Variants in TCEANC2 observed in about 807,000 individuals in gnomAD.
The protein encoded by TCEANC2 is transcription elongation factor A N-terminal and central domain containing 2.
TCEANC2 carries 20 observed loss-of-function variants against 22.8 expected under a neutral mutation model. That is an observed-to-expected ratio of 0.88 (90% CI 0.62 to 1.28). The LOEUF (loss-of-function observed/expected upper bound fraction) is 1.28. Among genes scored for constraint, TCEANC2 ranks in the 50% most tolerant of loss-of-function variants. The pLI is 0.00. For synonymous variants in TCEANC2, 84 were observed against 95.5 expected, an observed-to-expected ratio of 0.88 and a Z score of 0.70; for missense variants, 251 against 249.7, an observed-to-expected ratio of 1.01 and a Z score of -0.03.
intron 2 of TCEANC2, among the ~76,000 whole-genome samples, chr1:54,061,635 A>G (rs1657858852): frequency 6.6e-6 from 1 of 152,204 alleles, no homozygotes; most frequent in African/African-American, 2.4e-5. Context: ...ATGAAAAACT[A>G]AGGCACAGAG....
rs1384364421 is a variant in TCEANC2, at chr1:54,104,251, C to G, written c.*7778C>G. 1.8e-5 allele frequency: 3 copies of G among 166,518 alleles called. No homozygotes were observed. The highest frequency in any genetic ancestry group is 7.2e-5 in the African/African-American group (3 of 41,896). The allele number at this position is 166,518 out of a possible 1,614,324, so 10.3% of individuals were successfully genotyped here. A position where few individuals can be genotyped will look rare whatever the true frequency, so the allele number is the denominator to read the frequency against. Reference sequence around the variant, plus strand: ...TGACCCACTTGGAGTGCCTCCTGTTCTCATAGTTCTGGGCTCTGCAGGTTT... The same window carrying G: ...TGACCCACTTGGAGTGCCTCCTGTTGTCATAGTTCTGGGCTCTGCAGGTTT... On this transcript the variant is annotated 3_prime_UTR_variant, in exon 5 of 5. Transcript: ENST00000234827.
chr1:54,079,826 A>G (rs892352337), intron 3 of TCEANC2, among the ~76,000 whole-genome samples: 1 of 152,158 alleles, frequency 6.6e-6, no homozygotes, highest in South Asian at 2.1e-4. Context: ...TGTGTCTACC[A>G]TATACCATAC....
intron 2 of TCEANC2, among the ~76,000 whole-genome samples, chr1:54,063,124 G>C (rs1031565828): frequency 6.6e-6 from 1 of 152,142 alleles, no homozygotes; most frequent in Non-Finnish European, 1.5e-5. Flanking sequence ...ATGCTTAGGG[G>C]CTGGGATTTT....
chr1:54,084,257 C>A (rs962692867), intron 3 of TCEANC2, among the ~76,000 whole-genome samples: 2 of 152,154 alleles, frequency 1.3e-5, no homozygotes, highest in Admixed American at 6.5e-5. Context: ...CAGGGTTCCA[C>A]CCACCTCAGC....
At chr1:54,071,764 A>T (rs1658059156) in intron 3 of TCEANC2, among the ~76,000 whole-genome samples, 1 of 152,044 alleles carries the variant, frequency 6.6e-6, no homozygotes, top group African/African-American at 2.4e-5. Flanking sequence ...TACTTCCTGG[A>T]CCTGCAAATT....
rs1182965749 is a variant in TCEANC2, at chr1:54,097,041, G to T, written c.*568G>T. The T allele has an allele frequency of 1.0e-6, 1 of 964,032 alleles. No homozygotes were observed. The highest frequency in any genetic ancestry group is 1.2e-6 in the Non-Finnish European group (1 of 810,268). The allele number at this position is 964,032 out of a possible 1,614,324, so 59.7% of individuals were successfully genotyped here. The stretch of plus-strand genomic sequence containing the variant: ...TTCAGCTCTCCCTGGAAGACCTTCT[G>T]CGTTGGTCTCCAGAGCCCCCATGCT... On this transcript the variant is annotated 3_prime_UTR_variant, in exon 5 of 5. Coordinates refer to ENST00000234827, the MANE Select transcript of TCEANC2 (RefSeq NM_153035.3).
At chr1:54,063,462 A>T (rs1657894002) in intron 2 of TCEANC2, among the ~76,000 whole-genome samples, 1 of 152,200 alleles carries the variant, frequency 6.6e-6, no homozygotes, top group Non-Finnish European at 1.5e-5. Flanking sequence ...CATGTCTGTT[A>T]TATGGAGTGG....
At chr1:54,066,804 A>T (rs1657966526) in intron 2 of TCEANC2, among the ~76,000 whole-genome samples, 1 of 152,238 alleles carries the variant, frequency 6.6e-6, no homozygotes, top group South Asian at 2.1e-4. Flanking sequence ...TAACACTAAT[A>T]TCATTTTATA....
intron 4 of TCEANC2, among the ~76,000 whole-genome samples, chr1:54,093,048 T>C (rs1658477385): frequency 6.6e-6 from 1 of 152,078 alleles, no homozygotes. Flanking sequence ...ATGTGTAGCA[T>C]AGGAGGAGAG....
At chr1:54,092,155 C>T (rs1474247305) in intron 4 of TCEANC2, among the ~76,000 whole-genome samples, 1 of 152,192 alleles carries the variant, frequency 6.6e-6, no homozygotes, top group Admixed American at 6.5e-5. Flanking sequence ...ACAAAGTTTG[C>T]TTCCAGTGGC....
rs1189512026 is a variant in TCEANC2 at position 54,104,732 on chromosome 1, G to T, written c.*8259G>T. On this transcript the variant is annotated 3_prime_UTR_variant, in exon 5 of 5. Transcript: ENST00000234827. ...GATTTTTGTATTTTTAGTAGAGATGGAGTTTCGCCATGTTGGCCAGACTAG... is the reference window on the plus strand; with the variant it reads ...GATTTTTGTATTTTTAGTAGAGATGTAGTTTCGCCATGTTGGCCAGACTAG... The T allele has an allele frequency of 2.2e-6, 1 of 444,566 alleles. No homozygotes were observed. Among genetic ancestry groups the T allele is most frequent in the African/African-American group, 2.0e-5 (1 of 49,846 alleles). 27.5% of individuals were successfully genotyped at this position (444,566 alleles called of 1,614,324 possible). A position where few individuals can be genotyped will look rare whatever the true frequency, so the allele number is the denominator to read the frequency against.
At chr1:54,076,932 G>A (rs1188415458) in intron 3 of TCEANC2, among the ~76,000 whole-genome samples, 3 of 152,186 alleles carry the variant, frequency 2.0e-5, no homozygotes, top group Non-Finnish European at 4.4e-5. Context: ...AGTTAAGGGG[G>A]ATGGGGAACG....
At chr1:54,072,009 G>A (rs546317717) in intron 3 of TCEANC2, among the ~76,000 whole-genome samples, 4 of 152,050 alleles carry the variant, frequency 2.6e-5, no homozygotes, top group Admixed American at 6.6e-5. Context: ...ATAGGGTCTC[G>A]CTAAGTTGCC....
downstream of TCEANC2, among the ~76,000 whole-genome samples, chr1:54,109,522 G>A (rs1432330104): frequency 2.0e-5 from 3 of 152,172 alleles, no homozygotes; most frequent in Non-Finnish European, 2.9e-5. Context: ...GGCTTACTAC[G>A]TAGGTAACTA....
chr1:54,109,041 G>T (rs1019094361), downstream of TCEANC2, among the ~76,000 whole-genome samples: 1 of 152,088 alleles, frequency 6.6e-6, no homozygotes, highest in Non-Finnish European at 1.5e-5. Context: ...GTCCCAGGCC[G>T]CAGAGATGAA....
At chr1:54,057,647 C>T (rs1657778845) in intron 2 of TCEANC2, among the ~76,000 whole-genome samples, 1 of 152,138 alleles carries the variant, frequency 6.6e-6, no homozygotes, top group East Asian at 1.9e-4. Flanking sequence ...CTCCCTTCCA[C>T]TCTTACACCA....
Position 54,096,275 on chromosome 1 carries a change from T to C in TCEANC2, c.439-10T>C, listed in dbSNP as rs747028732. 24 of 1,582,546 alleles carry C rather than the reference T, an allele frequency of 1.5e-5. No homozygotes were observed. Among genetic ancestry groups the C allele is most frequent in the Non-Finnish European group, 2.0e-5 (23 of 1,154,944 alleles). On this transcript the variant is annotated splice_polypyrimidine_tract_variant and intron_variant, in intron 4 of 4. Transcript: ENST00000234827. This position sits in a 1 kb window ranked among gnomAD's most constrained non-coding sequence, Gnocchi z 4.9. Reference sequence around the variant, plus strand: ...TAAGGCTCTAATTTGATAATTTTGCTGTTTTTTAGATGGATCACCTACTGG... The same window carrying C: ...TAAGGCTCTAATTTGATAATTTTGCCGTTTTTTAGATGGATCACCTACTGG...
At chr1:54,080,254 G>C (rs1306090472) in intron 3 of TCEANC2, among the ~76,000 whole-genome samples, 3 of 151,004 alleles carry the variant, frequency 2.0e-5, no homozygotes, top group Admixed American at 2.0e-4. Context: ...GGCGATTCTC[G>C]TGCCTCAGCC....
chr1:54,094,194 ACT>A (rs533584530), intron 4 of TCEANC2, among the ~76,000 whole-genome samples: 2 of 150,312 alleles, frequency 1.3e-5, no homozygotes, highest in Non-Finnish European at 1.5e-5. Flanking sequence ...CTGGATATTC[ACT>A]CTCTCTCTCT....
Sources: gnomAD v4.1 joint callset for allele counts (sites outside exome capture counted in the v4.1 genomes callset) on GRCh38, gnomAD v4.1.1 for gene constraint, Gnocchi (gnomAD v3.1) non-coding constraint, MANE v1.5 for transcripts, NCBI Gene and HGNC (gene_info 2026-07-23, HGNC 2026-07-21) for gene names.